Variants in AGFG2 observed in about 807,000 individuals in gnomAD.
The protein encoded by AGFG2 is ArfGAP with FG repeats 2, also known as arf-GAP domain and FG repeat-containing protein 2.
AGFG2 carries 31 observed loss-of-function variants against 48.0 expected under a neutral mutation model. That is an observed-to-expected ratio of 0.65 (90% CI 0.49 to 0.87). AGFG2 has a LOEUF of 0.87. Among genes scored for constraint, AGFG2 ranks in the 40% least tolerant of loss-of-function variants. AGFG2 has a pLI of 0.00. For missense variants in AGFG2, 599 were observed against 632.6 expected (o/e 0.95, Z 0.57); for synonymous variants, 229 against 260.8 (o/e 0.88, Z 1.18).
chr7:100,557,934 C>T (rs971351285), intron 6 of AGFG2, among the ~76,000 whole-genome samples: 26 of 152,140 alleles, frequency 1.7e-4, no homozygotes, highest in African/African-American at 6.3e-4. Flanking sequence ...TGAAAATAGG[C>T]CAGGCGCGGT....
chr7:100,562,654 C>T lies in AGFG2; in HGVS notation c.1059C>T (p.Gly353=), dbSNP rs146791629. 6.2e-6 allele frequency: 10 copies of T among 1,609,474 alleles called. No homozygotes were observed. The highest frequency in any genetic ancestry group is 2.2e-5 in the East Asian group (1 of 44,894). Residue 353 remains glycine, a synonymous_variant, in exon 8 of 12, where the codon GGC becomes GGT. Coordinates refer to ENST00000300176, the MANE Select transcript of AGFG2 (RefSeq NM_006076.5). The surrounding 1 kb of genome is among the most constrained non-coding windows in gnomAD (Gnocchi z 5.4). ...AGTCTGTCACGATGGGCGGCGGCGGCGGCAGCAGCACAGGGCTGGCCTTTG... is the reference window on the plus strand; with the variant it reads ...AGTCTGTCACGATGGGCGGCGGCGGTGGCAGCAGCACAGGGCTGGCCTTTG... ...PLQSVTMGGG[G]GSSTGLAFGA... is the part of the protein sequence containing the mutation.
At chr7:100,561,989 G>C (rs1347710261) in intron 6 of AGFG2, among the ~76,000 whole-genome samples, 1 of 152,180 alleles carries the variant, frequency 6.6e-6, no homozygotes, top group Admixed American at 6.5e-5. Context: ...GCCTGACCTG[G>C]GGACGAGCTG....
chr7:100,555,343 G>A (rs1044522644), intron 5 of AGFG2, among the ~76,000 whole-genome samples: 1 of 131,424 alleles, frequency 7.6e-6, no homozygotes, highest in African/African-American at 2.9e-5. Context: ...GCACAATCTC[G>A]GCTCACTGCT....
chr7:100,549,111 T>G (rs1800572792), intron 2 of AGFG2, among the ~76,000 whole-genome samples, 196 bp downstream of exon 2: 1 of 152,206 alleles, frequency 6.6e-6, no homozygotes, highest in South Asian at 2.1e-4. Context: ...CTAGGCCTCC[T>G]TTTCAGGAGT....
At chr7:100,561,485 G>C (rs1408311770) in intron 6 of AGFG2, among the ~76,000 whole-genome samples, 2 of 152,188 alleles carry the variant, frequency 1.3e-5, no homozygotes. Context: ...CAGTGTGGTC[G>C]ATAGGGTCCC....
chr7:100,553,434 G>GC lies in AGFG2; in HGVS notation c.523dup (p.Leu175ProfsTer7). The GC allele has an allele frequency of 6.2e-7, 1 of 1,614,180 alleles. No individual in the cohort carries two copies. The highest frequency in any genetic ancestry group is 8.5e-7 in the Non-Finnish European group (1 of 1,180,018). On this transcript the variant is annotated frameshift_variant, in exon 4 of 12. Transcript: ENST00000300176. LOFTEE classifies it high-confidence loss of function. The stretch of plus-strand genomic sequence containing the variant: ...TGCAGGGCTCCATCCCAGAAGGGAA[G>GC]CCCCTTCGGACACTTCTGGGTGATC...
chr7:100,565,178 C>T lies in AGFG2; in HGVS notation c.*187C>T, dbSNP rs967611387. ...TCCACAAAGCCTCTCTCCCCTCCCTCGTCCCACCCCCACCCAGGCAGGAAG... is the reference window on the plus strand; with the variant it reads ...TCCACAAAGCCTCTCTCCCCTCCCTTGTCCCACCCCCACCCAGGCAGGAAG... On this transcript the variant is annotated 3_prime_UTR_variant, in exon 12 of 12. Transcript: ENST00000300176. 3.2e-5 allele frequency: 21 copies of T among 661,062 alleles called. No individual in the cohort carries two copies. The highest frequency in any genetic ancestry group is 5.0e-5 in the Non-Finnish European group (19 of 379,510). The allele number at this position is 661,062 out of a possible 1,614,324, so 40.9% of individuals were successfully genotyped here. A position where few individuals can be genotyped will look rare whatever the true frequency, so the allele number is the denominator to read the frequency against.
chr7:100,558,922 G>T (rs574505718), intron 6 of AGFG2, among the ~76,000 whole-genome samples: 1 of 152,154 alleles, frequency 6.6e-6, no homozygotes, highest in East Asian at 1.9e-4. Context: ...CATCATTTGA[G>T]GTCAGAAGTT....
At chr7:100,558,735 G>A (rs1242106224) in intron 6 of AGFG2, among the ~76,000 whole-genome samples, 1 of 151,892 alleles carries the variant, frequency 6.6e-6, no homozygotes, top group Non-Finnish European at 1.5e-5. Context: ...TAGAGACAGG[G>A]TTTCACCGTA....
chr7:100,556,769 C>G, intron 6 of AGFG2: 1 of 553,782 alleles, frequency 1.8e-6, no homozygotes, highest in Middle Eastern at 3.5e-4. Flanking sequence ...CACAGAGCGA[C>G]CAAGCTGAGA....
chr7:100,562,194 C>T lies in AGFG2; in HGVS notation c.878-65C>T. The T allele has an allele frequency of 3.2e-6, 5 of 1,570,550 alleles. No individual in the cohort carries two copies. The South Asian group carries it at 4.6e-5, about 15-fold the overall frequency. On this transcript the variant is annotated intron_variant, in intron 6 of 11. Coordinates refer to ENST00000300176, the MANE Select transcript of AGFG2 (RefSeq NM_006076.5). This position sits in a 1 kb window ranked among gnomAD's most constrained non-coding sequence, Gnocchi z 5.4. ...CCATCACCACCACCACCTCCATCTG[C>T]TCTCCTGCCCCTCCCGCCCTGTCTT...
At chr7:100,554,762 T>A (rs1352104720) in intron 5 of AGFG2, among the ~76,000 whole-genome samples, 2 of 151,464 alleles carry the variant, frequency 1.3e-5, no homozygotes, top group African/African-American at 4.9e-5. Context: ...TGGTGAAACC[T>A]CATCTCTACT....
At position 100,544,392 on chromosome 7, in the gene AGFG2, C is replaced by T. The variant is rs145148822; in HGVS notation, c.222-4430C>T. On this transcript the variant is annotated intron_variant, in intron 1 of 11. Transcript: ENST00000300176. ...CTCTTTATTTGTGACAAGTTCCTGC[C>T]CTCCTTGTGCCTTACTTTCCCTGTC... Among the ~76,000 whole-genome samples the T allele has an allele frequency of 5.9e-5, 9 of 152,244 alleles. No homozygotes were observed. The Middle Eastern group carries it at 0.01, about 173-fold the overall frequency.
chr7:100,554,624 G>C (rs1160598390), intron 5 of AGFG2, among the ~76,000 whole-genome samples: 1 of 152,074 alleles, frequency 6.6e-6, no homozygotes, highest in Non-Finnish European at 1.5e-5. Context: ...CAGCAGCATA[G>C]AATCTGTTTT....
intron 3 of AGFG2, among the ~76,000 whole-genome samples, chr7:100,553,059 A>G (rs983042126): frequency 2.0e-5 from 3 of 152,122 alleles, no homozygotes; most frequent in African/African-American, 7.2e-5. Flanking sequence ...AGGCTGAGGC[A>G]GGAGAATCAC....
At position 100,567,347 on chromosome 7, in the gene AGFG2, G is replaced by C. The variant is rs948292129; in HGVS notation, c.*2356G>C. Reference sequence around the variant, plus strand: ...GAGAAAACATTGCCTGGTAGCTGCAGATTCAAACCCACCACACACACCACG... The same window carrying C: ...GAGAAAACATTGCCTGGTAGCTGCACATTCAAACCCACCACACACACCACG... On this transcript the variant is annotated 3_prime_UTR_variant, in exon 12 of 12. Coordinates refer to ENST00000300176, the MANE Select transcript of AGFG2 (RefSeq NM_006076.5). 1 of 153,054 alleles carries C rather than the reference G, an allele frequency of 6.5e-6. No individual in the cohort carries two copies. The highest frequency in any genetic ancestry group is 1.5e-5 in the Non-Finnish European group (1 of 68,418). 9.5% of individuals were successfully genotyped at this position (153,054 alleles called of 1,614,324 possible).
intron 1 of AGFG2, among the ~76,000 whole-genome samples, chr7:100,540,152 T>A (rs1800395569): frequency 1.3e-5 from 2 of 150,772 alleles, no homozygotes; most frequent in African/African-American, 4.9e-5. Flanking sequence ...TAACCCCGAT[T>A]GACAGCCTAG....
chr7:100,539,367 G>A lies in AGFG2; in HGVS notation c.21G>A (p.Lys7=), dbSNP rs1800372990. 3.1e-6 allele frequency: 4 copies of A among 1,270,460 alleles called. No individual in the cohort carries two copies. The highest frequency in any genetic ancestry group is 4.0e-6 in the Non-Finnish European group (4 of 1,004,478). The allele number at this position is 1,270,460 out of a possible 1,614,324, so 78.7% of individuals were successfully genotyped here. A position where few individuals can be genotyped will look rare whatever the true frequency, so the allele number is the denominator to read the frequency against. ...CAGCGATGGTGATGGCGGCGAAGAA[G>A]GGCCCGGGCCCGGGCGGCGGGGTCA... MVMAAK[K]GPGPGGGVSG... is the part of the protein sequence containing the mutation. The change falls in exon 1 of 12, where the codon AAG becomes AAA. Residue 7 remains lysine (K), a synonymous_variant. Coordinates refer to ENST00000300176, the MANE Select transcript of AGFG2 (RefSeq NM_006076.5).
chr7:100,561,331 T>C (rs544264577), intron 6 of AGFG2, among the ~76,000 whole-genome samples: 1 of 152,268 alleles, frequency 6.6e-6, no homozygotes, highest in South Asian at 2.1e-4. Flanking sequence ...TTCACCATGT[T>C]GGCAAGGGTG....
Sources: gnomAD v4.1 joint callset for allele counts (sites outside exome capture counted in the v4.1 genomes callset) on GRCh38, gnomAD v4.1.1 for gene constraint, Gnocchi (gnomAD v3.1) non-coding constraint, MANE v1.5 for transcripts, NCBI Gene and HGNC (gene_info 2026-07-23, HGNC 2026-07-21) for gene names.